LRRC9: variants seen among roughly 807,000 people sequenced by gnomAD.
LRRC9 encodes the protein leucine-rich repeat-containing protein 9.
LRRC9 carries 122 observed loss-of-function variants against 63.2 expected under a neutral mutation model. That is an observed-to-expected ratio of 1.93 (90% CI 1.67 to 2.24). The LOEUF (loss-of-function observed/expected upper bound fraction) is 2.24, where lower values mean the gene tolerates loss of function less well. LRRC9 is among the 30% of genes most tolerant of loss of function. The pLI is 0.00. For synonymous variants in LRRC9, 366 were observed against 213.1 expected (o/e 1.72, Z -6.25); for missense variants, 1,071 against 627.7 (o/e 1.71, Z -7.55).
At chr14:60,061,760 A>T (rs1415589301) in intron 31 of LRRC9, among the ~76,000 whole-genome samples, 5 of 152,238 alleles carry the variant, frequency 3.3e-5, no homozygotes, top group Non-Finnish European at 5.9e-5. Flanking sequence ...TTGGATATTT[A>T]TATGTTTAAA....
exon 17 of LRRC9, chr14:59,985,184 G>T: frequency 1.4e-6 from 1 of 691,314 alleles, no homozygotes; most frequent in Non-Finnish European, 2.6e-6. Context: ...CTAAACATTA[G>T]CTTTAATGAA....
intron 12 of LRRC9, among the ~76,000 whole-genome samples, chr14:59,972,936 A>G (rs556743879): frequency 2.6e-5 from 4 of 152,054 alleles, no homozygotes; most frequent in Admixed American, 1.3e-4. Context: ...ACAACTGAAA[A>G]ATTTTATTAT....
chr14:60,063,053 C>G (rs1352693099), intron 31 of LRRC9, among the ~76,000 whole-genome samples: 2 of 152,074 alleles, frequency 1.3e-5, no homozygotes, highest in African/African-American at 4.8e-5. Flanking sequence ...CGCCACCATG[C>G]CCGGCCAATT....
chr14:59,957,325 CT>C (rs1883872238), intron 8 of LRRC9, among the ~76,000 whole-genome samples: 1 of 152,048 alleles, frequency 6.6e-6, no homozygotes, highest in African/African-American at 2.4e-5. Flanking sequence ...TTGTTCATTC[CT>C]TTTCATTCTT....
At chr14:60,059,054 T>G (rs1436649811) in intron 31 of LRRC9, 1 of 152,206 alleles carries the variant, frequency 6.6e-6, no homozygotes, top group East Asian at 1.9e-4. Flanking sequence ...TTATATTTTT[T>G]TATTAGTTTA....
intron 31 of LRRC9, among the ~76,000 whole-genome samples, chr14:60,061,029 G>GAGTT (rs1894627471): frequency 6.6e-6 from 1 of 152,206 alleles, no homozygotes; most frequent in Non-Finnish European, 1.5e-5. Flanking sequence ...AATGGATGAG[G>GAGTT]AGTTGCTTCT....
chr14:59,930,537 C>A lies in LRRC9; in HGVS notation c.268-381C>A, dbSNP rs1889609128. Among the ~76,000 whole-genome samples, 1 of 151,482 alleles carries A rather than the reference C, an allele frequency of 6.6e-6. No individual in the cohort carries two copies. The highest frequency in any genetic ancestry group is 1.5e-5 in the Non-Finnish European group (1 of 67,812). On this transcript the variant is annotated intron_variant, in intron 3 of 31. Transcript: ENST00000445360. This position sits in a 1 kb window ranked among gnomAD's most constrained non-coding sequence, Gnocchi z 4.9. ...ATTTTAGTCTTAATTTAAAGAGTCC[C>A]ACAAAATTGTGTGTGCATTAGGATT...
chr14:60,039,296 TTCCCTCTTTTTCTA>T (rs1158215758), intron 29 of LRRC9, among the ~76,000 whole-genome samples: 1 of 152,210 alleles, frequency 6.6e-6, no homozygotes, highest in Non-Finnish European at 1.5e-5. Context: ...TTAGGGAGGA[TTCCCTCTTTTTCTA>T]TTGATTGGAA....
intron 12 of LRRC9, among the ~76,000 whole-genome samples, chr14:59,970,187 T>C (rs1390284533): frequency 6.7e-6 from 1 of 149,004 alleles, no homozygotes; most frequent in African/African-American, 2.5e-5. Flanking sequence ...ATCATTTAGC[T>C]CCCACTTATT....
At chr14:59,949,791 A>G (rs1882909890) in intron 8 of LRRC9, among the ~76,000 whole-genome samples, 1 of 149,264 alleles carries the variant, frequency 6.7e-6, no homozygotes, top group African/African-American at 2.5e-5. Context: ...TTCAGTTTCC[A>G]TATAGTTGAG....
chr14:59,996,454 C>A (rs1353115707), intron 17 of LRRC9, among the ~76,000 whole-genome samples: 3 of 152,028 alleles, frequency 2.0e-5, no homozygotes, highest in African/African-American at 7.2e-5. Context: ...TAATTCCATT[C>A]TGGATTAAAA....
intron 7 of LRRC9, among the ~76,000 whole-genome samples, chr14:59,943,279 G>A (rs981485930): frequency 6.6e-6 from 1 of 151,844 alleles, no homozygotes; most frequent in Non-Finnish European, 1.5e-5. Flanking sequence ...TAGTTTTATG[G>A]TTTCAAGTTT....
intron 12 of LRRC9, among the ~76,000 whole-genome samples, chr14:59,974,108 A>G (rs1276003339): frequency 6.6e-6 from 1 of 152,124 alleles, no homozygotes; most frequent in Non-Finnish European, 1.5e-5. Context: ...GTTAGTCACA[A>G]TACAAACTAG....
In LRRC9 at chr14:59,943,061, G is replaced by A. The variant is rs538552517; in HGVS notation, c.727-1528G>A. 8.2e-4 allele frequency among the ~76,000 whole-genome samples: 124 copies of A among 152,024 alleles called. 1 individual carries two copies. The highest frequency in any genetic ancestry group is 2.9e-3 in the African/African-American group (121 of 41,476). On this transcript the variant is annotated intron_variant, in intron 7 of 31. Transcript: ENST00000445360. ...TTGTTTGAGTTCGTTGTATATTCTGGATATAAGACCCTTATTGGATGAGTA... is the reference window on the plus strand; with the variant it reads ...TTGTTTGAGTTCGTTGTATATTCTGAATATAAGACCCTTATTGGATGAGTA...
exon 24 of LRRC9, chr14:60,016,770 T>C: frequency 1.4e-6 from 1 of 696,772 alleles, no homozygotes; most frequent in Admixed American, 2.0e-5. Flanking sequence ...AAGAACTAAA[T>C]TGGACTTCAT....
Position 60,028,096 on chromosome 14 carries a change from A to G in LRRC9, c.3916A>G (p.Ile1306Val). Residue 1306 changes from isoleucine (I) to valine (V), a missense_variant, in exon 28 of 32, where the codon ATC becomes GTC. By Grantham distance (29) the Ile-to-Val change is conservative. Transcript: ENST00000445360. The stretch of plus-strand genomic sequence containing the variant: ...GAAACTCTTCCTAGGATATAATAAA[A>G]TCCAGGTAACATTATTATTTTTTTA... 7.2e-6 allele frequency: 5 copies of G among 690,312 alleles called. No individual in the cohort carries two copies. The South Asian group carries it at 7.7e-5, about 11-fold the overall frequency. The allele number at this position is 690,312 out of a possible 1,614,324, so 42.8% of individuals were successfully genotyped here. A position where few individuals can be genotyped will look rare whatever the true frequency, so the allele number is the denominator to read the frequency against.
chr14:59,991,672 C>T (rs914542475), intron 17 of LRRC9, among the ~76,000 whole-genome samples: 1 of 152,120 alleles, frequency 6.6e-6, no homozygotes, highest in African/African-American at 2.4e-5. Flanking sequence ...AGATTATATC[C>T]CGCGCATAGC....
chr14:59,973,130 T>C (rs1885715199), intron 12 of LRRC9, among the ~76,000 whole-genome samples: 1 of 152,060 alleles, frequency 6.6e-6, no homozygotes, highest in African/African-American at 2.4e-5. Flanking sequence ...TAAAATATAA[T>C]TTCCTTTTAA....
chr14:60,054,276 G>C (rs917152682), intron 30 of LRRC9, among the ~76,000 whole-genome samples: 3 of 152,022 alleles, frequency 2.0e-5, no homozygotes, highest in African/African-American at 7.2e-5. Flanking sequence ...CTGTATGTCA[G>C]TTCTTGTTAT....
Sources: gnomAD v4.1 joint callset for allele counts (sites outside exome capture counted in the v4.1 genomes callset) on GRCh38, gnomAD v4.1.1 for gene constraint, Gnocchi (gnomAD v3.1) non-coding constraint, MANE v1.5 for transcripts, NCBI Gene and HGNC (gene_info 2026-07-23, HGNC 2026-07-21) for gene names.